The following NXPH1 variants were observed in gnomAD, a reference collection of about 807,000 sequenced individuals.
NXPH1 encodes neurexophilin 1.
NXPH1 carries 5 observed loss-of-function variants against 23.7 expected under a neutral mutation model. The ratio of observed to expected loss-of-function variants is 0.21; its 90% CI spans 0.11 to 0.44. NXPH1 has a LOEUF of 0.44. NXPH1 is among the 20% of genes least tolerant of loss of function. The pLI is 0.99. For missense variants in NXPH1, 324 were observed against 321.6 expected (o/e 1.01, Z -0.06); for synonymous variants, 144 against 122.2 (o/e 1.18, Z -1.18).
intron 2 of NXPH1, among the ~76,000 whole-genome samples, chr7:8,558,356 A>T (rs897940718): frequency 4.6e-5 from 7 of 151,676 alleles, no homozygotes; most frequent in Non-Finnish European, 1.0e-4. Flanking sequence ...TGTTTTTCTC[A>T]GGTGCCACTG....
At chr7:8,705,152 A>G (rs1016627378) in intron 2 of NXPH1, among the ~76,000 whole-genome samples, 1 of 152,132 alleles carries the variant, frequency 6.6e-6, no homozygotes, top group African/African-American at 2.4e-5. Flanking sequence ...AGGGCATACA[A>G]AATTGTAGAC....
At chr7:8,510,632 G>A (rs1399373237) in intron 2 of NXPH1, among the ~76,000 whole-genome samples, 2 of 152,042 alleles carry the variant, frequency 1.3e-5, no homozygotes. Flanking sequence ...ACAAAAGCAT[G>A]GAAAGCCTGC....
intron 2 of NXPH1, among the ~76,000 whole-genome samples, chr7:8,525,505 G>T (rs1484706958): frequency 1.3e-5 from 2 of 152,038 alleles, no homozygotes; most frequent in African/African-American, 4.8e-5. Flanking sequence ...CCAAGACCAT[G>T]GGGAAAATGT....
rs1293020897 is a variant in NXPH1 at position 8,607,970 on chromosome 7, A to T, written c.55-143038A>T. ...GGCGATAGAAGTCAAGATCAGAGTGATGCAGCTGCAAGCCAAGGAATGCCA... is the reference window on the plus strand; with the variant it reads ...GGCGATAGAAGTCAAGATCAGAGTGTTGCAGCTGCAAGCCAAGGAATGCCA... On this transcript the variant is annotated intron_variant, in intron 2 of 2. Transcript: ENST00000405863. 2.0e-5 allele frequency among the ~76,000 whole-genome samples: 3 copies of T among 152,232 alleles called. No individual in the cohort carries two copies. In the East Asian group the frequency reaches 5.8e-4, roughly 29 times the overall value.
At position 8,708,869 on chromosome 7, in the gene NXPH1, A is replaced by C. The variant is rs143632703; in HGVS notation, c.55-42139A>C. Among the ~76,000 whole-genome samples the C allele has an allele frequency of 4.4e-3, 666 of 152,270 alleles. 3 individuals carry two copies. The highest frequency in any genetic ancestry group is 0.015 in the African/African-American group (611 of 41,546). Reference sequence around the variant, plus strand: ...TGTTCCATGACGAGCAATGCCGACAATACCCAAGAGCTTATTAAAAATTCA... The same window carrying C: ...TGTTCCATGACGAGCAATGCCGACACTACCCAAGAGCTTATTAAAAATTCA... On this transcript the variant is annotated intron_variant, in intron 2 of 2. Coordinates refer to ENST00000405863, the MANE Select transcript of NXPH1 (RefSeq NM_152745.3).
chr7:8,576,578 G>A (rs114098327), intron 2 of NXPH1, among the ~76,000 whole-genome samples: 18 of 152,252 alleles, frequency 1.2e-4, no homozygotes, highest in African/African-American at 4.3e-4. Context: ...GAAGGCTGCA[G>A]CCTTCTTTCA....
Position 8,460,523 on chromosome 7 carries a change from G to C in NXPH1, c.54+24756G>C, listed in dbSNP as rs553344715. ...CTTAGGATTTTCCTGAAGCAGGTTT[G>C]TTTAGTTAGTAATAGAATGTGATCA... On this transcript the variant is annotated intron_variant, in intron 2 of 2. Transcript: ENST00000405863. 5.3e-5 allele frequency among the ~76,000 whole-genome samples: 8 copies of C among 152,270 alleles called. No homozygotes were observed. The East Asian group carries it at 1.5e-3, about 29-fold the overall frequency.
intron 2 of NXPH1, among the ~76,000 whole-genome samples, chr7:8,622,660 TGTCAACAA>T (rs1203069828): frequency 6.6e-6 from 1 of 152,218 alleles, no homozygotes; most frequent in Non-Finnish European, 1.5e-5. Context: ...TTCTATGATT[TGTCAACAA>T]GTCAGGATAA....
At chr7:8,436,029 G>A (rs1322316520) in intron 2 of NXPH1, among the ~76,000 whole-genome samples, 2 of 152,174 alleles carry the variant, frequency 1.3e-5, no homozygotes, top group Non-Finnish European at 2.9e-5. Flanking sequence ...CTAAACCCAA[G>A]GAGGTAGTGA....
intron 2 of NXPH1, among the ~76,000 whole-genome samples, chr7:8,627,207 AC>A (rs1216434287): frequency 6.6e-6 from 1 of 152,096 alleles, no homozygotes; most frequent in East Asian, 1.9e-4. Context: ...ATGTCCAGCA[AC>A]TATTATTTAC....
chr7:8,623,720 C>T (rs1400129218), intron 2 of NXPH1, among the ~76,000 whole-genome samples: 2 of 96,588 alleles, frequency 2.1e-5, no homozygotes, highest in African/African-American at 5.5e-5. Context: ...TCATATGTGC[C>T]TTTTATTGTC....
chr7:8,596,934 C>A (rs1215458302), intron 2 of NXPH1, among the ~76,000 whole-genome samples: 1 of 151,974 alleles, frequency 6.6e-6, no homozygotes, highest in Non-Finnish European at 1.5e-5. Flanking sequence ...TGCAGGAATC[C>A]TATAGAAAAG....
rs1218568631 is a variant in NXPH1 at position 8,434,334 on chromosome 7, T to C, written c.-532T>C. Reference sequence around the variant, plus strand: ...CATTTCCACCATCCTCAGGCAGCTGTGGGAAGCCGAGAGTCCTGGACTGTT... The same window carrying C: ...CATTTCCACCATCCTCAGGCAGCTGCGGGAAGCCGAGAGTCCTGGACTGTT... On this transcript the variant is annotated 5_prime_UTR_variant, in exon 1 of 3. Coordinates refer to ENST00000405863, the MANE Select transcript of NXPH1 (RefSeq NM_152745.3). This position sits in a 1 kb window ranked among gnomAD's most constrained non-coding sequence, Gnocchi z 7.6. The C allele has an allele frequency of 1.3e-5, 2 of 153,324 alleles. No individual in the cohort carries two copies. Among genetic ancestry groups the C allele is most frequent in the African/African-American group, 2.4e-5 (1 of 41,474 alleles). The allele number at this position is 153,324 out of a possible 1,614,324, so 9.5% of individuals were successfully genotyped here.
intron 2 of NXPH1, among the ~76,000 whole-genome samples, chr7:8,609,495 G>T (rs1161179126): frequency 6.6e-6 from 1 of 152,172 alleles, no homozygotes; most frequent in Non-Finnish European, 1.5e-5. Context: ...GAGAGGAAAT[G>T]AACTCAGAAC....
intron 2 of NXPH1, among the ~76,000 whole-genome samples, chr7:8,717,908 A>ATG (rs1779904003): frequency 6.6e-6 from 1 of 151,020 alleles, no homozygotes; most frequent in African/African-American, 2.4e-5. Flanking sequence ...ATATATATAT[A>ATG]TATACACAAC....
intron 2 of NXPH1, among the ~76,000 whole-genome samples, chr7:8,503,933 A>T (rs1201281414): frequency 2.6e-5 from 4 of 151,980 alleles, no homozygotes; most frequent in African/African-American, 9.7e-5. Flanking sequence ...CAGCCTGCAA[A>T]GCCATCTACA....
At chr7:8,462,070 G>GGC (rs1554423637) in intron 2 of NXPH1, among the ~76,000 whole-genome samples, 1 of 151,668 alleles carries the variant, frequency 6.6e-6, no homozygotes, top group African/African-American at 2.4e-5. Context: ...TATTTTTTGA[G>GGC]AGAGTCTCAC....
chr7:8,660,126 G>A (rs1346931769), intron 2 of NXPH1, among the ~76,000 whole-genome samples: 1 of 152,146 alleles, frequency 6.6e-6, no homozygotes, highest in Non-Finnish European at 1.5e-5. Flanking sequence ...GATACATGGA[G>A]CATCTTATTA....
intron 2 of NXPH1, among the ~76,000 whole-genome samples, chr7:8,455,023 T>C (rs910751701): frequency 6.6e-6 from 1 of 152,200 alleles, no homozygotes; most frequent in Non-Finnish European, 1.5e-5. Context: ...ATGCTGTTTT[T>C]TTCATTTGTG....
Sources: allele counts gnomAD v4.1 joint callset (sites outside exome capture counted in the v4.1 genomes callset), GRCh38; gene constraint gnomAD v4.1.1; non-coding constraint Gnocchi (gnomAD v3.1); transcripts MANE v1.5; gene names NCBI Gene and HGNC (gene_info 2026-07-23, HGNC 2026-07-21).